The following MFSD6 variants were observed in gnomAD, a reference collection of about 807,000 sequenced individuals.
MFSD6 encodes the protein major facilitator superfamily domain-containing protein 6.
Under a neutral mutation model 56.3 loss-of-function variants are expected in MFSD6, and 26 were observed. The observed-to-expected ratio is 0.46, with a 90% CI of 0.34 to 0.64. The LOEUF (loss-of-function observed/expected upper bound fraction) is 0.64. MFSD6 is among the 30% of genes least tolerant of loss of function. The pLI is 0.01. For missense variants in MFSD6, 750 were observed against 986.2 expected (o/e 0.76, Z 3.21); for synonymous variants, 331 against 366.9 (o/e 0.90, Z 1.12).
intron 3 of MFSD6, among the ~76,000 whole-genome samples, chr2:190,468,409 T>C (rs749270944): frequency 2.0e-5 from 3 of 152,120 alleles, no homozygotes; most frequent in Non-Finnish European, 2.9e-5. Flanking sequence ...TTTCCCTTTG[T>C]TGATTCAGTG....
chr2:190,442,044 A>G (rs1388062666), intron 3 of MFSD6, among the ~76,000 whole-genome samples: 1 of 152,248 alleles, frequency 6.6e-6, no homozygotes, highest in African/African-American at 2.4e-5. Context: ...TCAATTATTG[A>G]TTAAAAAGCA....
chr2:190,418,637 G>A lies in MFSD6; in HGVS notation c.-54+3224G>A, dbSNP rs1690889178. Among the ~76,000 whole-genome samples, 1 of 152,118 alleles carries A rather than the reference G, an allele frequency of 6.6e-6. No individual in the cohort carries two copies. The highest frequency in any genetic ancestry group is 2.4e-5 in the African/African-American group (1 of 41,426). On this transcript the variant is annotated intron_variant, in intron 2 of 7. Coordinates refer to ENST00000392328, the MANE Select transcript of MFSD6 (RefSeq NM_017694.4). The surrounding 1 kb of genome is among the most constrained non-coding windows in gnomAD (Gnocchi z 4.1). ...CTGAAAGTGGTGGTGTGTGCCTGTAGTCCCAGCTACTTGGGAGGTTGAGGT... is the reference window on the plus strand; with the variant it reads ...CTGAAAGTGGTGGTGTGTGCCTGTAATCCCAGCTACTTGGGAGGTTGAGGT...
rs1042019352 is a variant in MFSD6 at position 190,439,967 on chromosome 2, TG to T, written c.1532+2408del. Reference sequence around the variant, plus strand: ...TGATTTGGGGATTTAAACTTTCCACTGGAAGAATACCATTCATTAAGTAGTT... The same window carrying T: ...TGATTTGGGGATTTAAACTTTCCACTGAAGAATACCATTCATTAAGTAGTT... On this transcript the variant is annotated intron_variant, in intron 3 of 7. Transcript: ENST00000392328. This position sits in a 1 kb window ranked among gnomAD's most constrained non-coding sequence, Gnocchi z 5.8. Among the ~76,000 whole-genome samples the T allele has an allele frequency of 2.5e-4, 38 of 152,348 alleles. No homozygotes were observed. Among genetic ancestry groups the T allele is most frequent in the African/African-American group, 8.9e-4 (37 of 41,580 alleles).
In MFSD6 at chr2:190,418,167, G is replaced by A. The variant is rs774219144; in HGVS notation, c.-54+2754G>A. Among the ~76,000 whole-genome samples the A allele has an allele frequency of 1.3e-5, 2 of 152,172 alleles. No homozygotes were observed. The highest frequency in any genetic ancestry group is 3.9e-4 in the East Asian group (2 of 5,174). ...GCTACTCATTCCCTATGTGACTTTG[G>A]GCTGGTTATTTGCCTTCTCTGTGCC... is the stretch of plus-strand genomic sequence containing the variant. On this transcript the variant is annotated intron_variant, in intron 2 of 7. Coordinates refer to ENST00000392328, the MANE Select transcript of MFSD6 (RefSeq NM_017694.4). The surrounding 1 kb of genome is among the most constrained non-coding windows in gnomAD (Gnocchi z 4.1).
At chr2:190,483,120 C>T (rs1688793771) in intron 4 of MFSD6, among the ~76,000 whole-genome samples, 1 of 151,130 alleles carries the variant, frequency 6.6e-6, no homozygotes, top group South Asian at 2.1e-4. Context: ...TCTCGATCTC[C>T]TGACCTCGTG....
At chr2:190,449,569 T>C (rs1488117919) in intron 3 of MFSD6, among the ~76,000 whole-genome samples, 1 of 152,110 alleles carries the variant, frequency 6.6e-6, no homozygotes, top group African/African-American at 2.4e-5. Context: ...ATGACACATA[T>C]GTTTATTGCG....
chr2:190,428,182 G>A (rs1685842553), intron 2 of MFSD6, among the ~76,000 whole-genome samples: 1 of 152,100 alleles, frequency 6.6e-6, no homozygotes, highest in African/African-American at 2.4e-5. Flanking sequence ...TGTAGTTGTA[G>A]TTTGTTCATT....
rs1575816849 is a variant in MFSD6 at position 190,418,002 on chromosome 2, ATGT to A, written c.-54+2590_-54+2592del. 4.5e-5 allele frequency among the ~76,000 whole-genome samples: 5 copies of A among 110,264 alleles called. No individual in the cohort carries two copies. The highest frequency in any genetic ancestry group is 3.1e-4 in the East Asian group (1 of 3,196). 72.3% of individuals were successfully genotyped at this position (110,264 alleles called of 152,430 possible). On this transcript the variant is annotated intron_variant, in intron 2 of 7. Transcript: ENST00000392328. The surrounding 1 kb of genome is among the most constrained non-coding windows in gnomAD (Gnocchi z 4.1). ...TGTGTGTGTGTGTGTGTGTGTGTGT[ATGT>A]GAGAGAGAGAGAGATGTGGTTTATC...
At chr2:190,483,101 C>T (rs1362283724) in intron 4 of MFSD6, among the ~76,000 whole-genome samples, 2 of 150,644 alleles carry the variant, frequency 1.3e-5, no homozygotes, top group Non-Finnish European at 3.0e-5. Flanking sequence ...ACCTTGTTAG[C>T]CAGGATGGTC....
intron 2 of MFSD6, among the ~76,000 whole-genome samples, chr2:190,435,067 C>G (rs956956054): frequency 1.3e-5 from 2 of 152,150 alleles, no homozygotes; most frequent in Admixed American, 1.3e-4. Context: ...CAAAACCAAC[C>G]CCCCTCTCCA....
intron 2 of MFSD6, among the ~76,000 whole-genome samples, chr2:190,428,839 A>C (rs1220629655): frequency 6.6e-6 from 1 of 151,658 alleles, no homozygotes; most frequent in Non-Finnish European, 1.5e-5. Context: ...TGCCTGGCTA[A>C]TTTTTTTAGT....
rs1030624131 is a variant in MFSD6 at position 190,487,050 on chromosome 2, A to G, written c.1631-1607A>G. Among the ~76,000 whole-genome samples, 1 of 152,152 alleles carries G rather than the reference A, an allele frequency of 6.6e-6. No homozygotes were observed. The highest frequency in any genetic ancestry group is 2.1e-4 in the South Asian group (1 of 4,828). On this transcript the variant is annotated intron_variant, in intron 4 of 7. Transcript: ENST00000392328. The surrounding 1 kb of genome is among the most constrained non-coding windows in gnomAD (Gnocchi z 5.5). ...CTGCACTCATTTTTTTAACTGAACTATATATTAAGAAGCATGGCTGGGTGC... is the reference window on the plus strand; with the variant it reads ...CTGCACTCATTTTTTTAACTGAACTGTATATTAAGAAGCATGGCTGGGTGC...
rs559279746 is a variant in MFSD6, at chr2:190,431,114, G to A, written c.-53-4863G>A. Reference sequence around the variant, plus strand: ...CTCCTCACATCCCAGACAGGGCGGCGGGGCAGAGGCGCTCCCCACATCTCA... The same window carrying A: ...CTCCTCACATCCCAGACAGGGCGGCAGGGCAGAGGCGCTCCCCACATCTCA... On this transcript the variant is annotated intron_variant, in intron 2 of 7. Transcript: ENST00000392328. This position sits in a 1 kb window ranked among gnomAD's most constrained non-coding sequence, Gnocchi z 4.4. Among the ~76,000 whole-genome samples the A allele has an allele frequency of 2.9e-3, 426 of 148,244 alleles. 2 individuals are homozygous for A. Among genetic ancestry groups the A allele is most frequent in the African/African-American group, 9.9e-3 (395 of 40,076 alleles).
rs1227096679 is a variant in MFSD6 at position 190,456,978 on chromosome 2, G to A, written c.1533-12780G>A. The stretch of plus-strand genomic sequence containing the variant: ...CTCGTCAAAGTTTAAAATGTCAACC[G>A]TCTTCTGATGCCAACATAAACGTTC... On this transcript the variant is annotated intron_variant, in intron 3 of 7. Coordinates refer to ENST00000392328, the MANE Select transcript of MFSD6 (RefSeq NM_017694.4). This position sits in a 1 kb window ranked among gnomAD's most constrained non-coding sequence, Gnocchi z 5.4. Among the ~76,000 whole-genome samples, 4 of 152,200 alleles carry A rather than the reference G, an allele frequency of 2.6e-5. No homozygotes were observed. The South Asian group carries it at 8.3e-4, about 32-fold the overall frequency.
chr2:190,449,248 T>G (rs1276070063), intron 3 of MFSD6, among the ~76,000 whole-genome samples: 1 of 152,054 alleles, frequency 6.6e-6, no homozygotes, highest in Non-Finnish European at 1.5e-5. Flanking sequence ...CTGAGGCAGG[T>G]GGATCACCTG....
rs1261687196 is a variant in MFSD6, at chr2:190,433,619, C to T, written c.-53-2358C>T. Reference sequence around the variant, plus strand: ...ATTTTGTGTTATGTGAATTTCACTTCAGTTAAATTTTTTTTAACCTAAAAA... The same window carrying T: ...ATTTTGTGTTATGTGAATTTCACTTTAGTTAAATTTTTTTTAACCTAAAAA... On this transcript the variant is annotated intron_variant, in intron 2 of 7. Transcript: ENST00000392328. This position sits in a 1 kb window ranked among gnomAD's most constrained non-coding sequence, Gnocchi z 4.5. Among the ~76,000 whole-genome samples, 1 of 152,124 alleles carries T rather than the reference C, an allele frequency of 6.6e-6. No individual in the cohort carries two copies. The highest frequency in any genetic ancestry group is 1.9e-4 in the East Asian group (1 of 5,182).
At chr2:190,414,170 T>C (rs1189163599) in intron 1 of MFSD6, among the ~76,000 whole-genome samples, 1 of 151,982 alleles carries the variant, frequency 6.6e-6, no homozygotes, top group Admixed American at 6.6e-5. Flanking sequence ...CTAATGCATG[T>C]GGGGCTTAAT....
At chr2:190,449,565 CAT>C (rs1491262135) in intron 3 of MFSD6, among the ~76,000 whole-genome samples, 6 of 152,092 alleles carry the variant, frequency 3.9e-5, no homozygotes, top group African/African-American at 1.2e-4. Flanking sequence ...ACATATGACA[CAT>C]ATGTTTATTG....
chr2:190,498,309 A>G lies in MFSD6; in HGVS notation c.2172+590A>G, dbSNP rs548491768. ...TATCCCGACTTTGGAAAATGAGTGT[A>G]ACTTCTATAAACAATTTAGCCAAAG... On this transcript the variant is annotated intron_variant, in intron 7 of 7. Transcript: ENST00000392328. This position sits in a 1 kb window ranked among gnomAD's most constrained non-coding sequence, Gnocchi z 5.9. 6.6e-6 allele frequency among the ~76,000 whole-genome samples: 1 copy of G among 152,314 alleles called. No individual in the cohort carries two copies. Among genetic ancestry groups the G allele is most frequent in the African/African-American group, 2.4e-5 (1 of 41,570 alleles).
Sources: allele counts gnomAD v4.1 joint callset (sites outside exome capture counted in the v4.1 genomes callset), GRCh38; gene constraint gnomAD v4.1.1; non-coding constraint Gnocchi (gnomAD v3.1); transcripts MANE v1.5; gene names NCBI Gene and HGNC (gene_info 2026-07-23, HGNC 2026-07-21).